The following CDH22 variants were observed in gnomAD, a reference collection of about 807,000 sequenced individuals.
CDH22 encodes the protein cadherin-22.
A neutral mutation model predicts 58.4 loss-of-function variants in CDH22; 30 were observed. The ratio of observed to expected loss-of-function variants is 0.51; its 90% CI spans 0.38 to 0.70. The LOEUF (loss-of-function observed/expected upper bound fraction) is 0.70. Ranked by LOEUF, CDH22 falls within the 30% of genes least tolerant of loss-of-function variation. The probability of loss-of-function intolerance (pLI) is 0.00; values close to 1 mark genes in which losing one functional copy is unlikely to be tolerated. For synonymous variants in CDH22, 513 were observed against 558.2 expected (o/e 0.92, Z 1.14); for missense variants, 1,014 against 1,233.9 (o/e 0.82, Z 2.67).
At chr20:46,215,526 G>A (rs1013661874) in intron 5 of CDH22, among the ~76,000 whole-genome samples, 5 of 152,208 alleles carry the variant, frequency 3.3e-5, no homozygotes, top group African/African-American at 1.2e-4. Context: ...TAACTGGAGG[G>A]AGGAGTTGGG....
intron 3 of CDH22, 38 bp downstream of exon 3, chr20:46,240,925 C>T (rs2086284834): frequency 6.4e-7 from 1 of 1,571,504 alleles, no homozygotes; most frequent in Non-Finnish European, 8.7e-7. Context: ...TGGGGATCAC[C>T]TTGATCCCAT....
At chr20:46,261,556 A>C (rs2086433180) in intron 1 of CDH22, among the ~76,000 whole-genome samples, 2 of 152,000 alleles carry the variant, frequency 1.3e-5, no homozygotes. Flanking sequence ...TCCTTTACTC[A>C]CTCACTTCTC....
intron 1 of CDH22, among the ~76,000 whole-genome samples, chr20:46,262,785 G>A (rs1206297358): frequency 5.9e-5 from 9 of 152,106 alleles, no homozygotes; most frequent in Non-Finnish European, 1.3e-4. Flanking sequence ...CCCACTCAAC[G>A]CCCTGCCTGA....
intron 10 of CDH22, among the ~76,000 whole-genome samples, chr20:46,183,702 T>C (rs1477883342): frequency 6.6e-6 from 1 of 152,172 alleles, no homozygotes; most frequent in African/African-American, 2.4e-5. Flanking sequence ...GTTATAAACA[T>C]GAGCCTTACA....
chr20:46,246,473 G>A (rs1325379179), intron 2 of CDH22, among the ~76,000 whole-genome samples: 1 of 152,152 alleles, frequency 6.6e-6, no homozygotes, highest in Non-Finnish European at 1.5e-5. Context: ...AGCTGACAGA[G>A]GCCTCGGGGG....
intron 10 of CDH22, among the ~76,000 whole-genome samples, chr20:46,181,748 C>CTTCCTTCCTTCGTTCG (rs1555800211): frequency 7.6e-4 from 20 of 26,308 alleles, no homozygotes; most frequent in Non-Finnish European, 1.1e-3. Context: ...TCCTTCCTTC[C>CTTCCTTCCTTCGTTCG]TTCCTTCTTT....
Position 46,174,908 on chromosome 20 carries a change from G to T in CDH22, c.2085C>A (p.Gly695=), listed in dbSNP as rs757901407. The part of the protein sequence containing the change: ...MSALRSLYDF[G]ELKGGDGGGS... ...CGCCCCCGTCGCCGCCCTTGAGCTC[G>T]CCGAAGTCGTAGAGGCTCCGCAGCG... is the stretch of plus-strand genomic sequence containing the variant. The change falls in exon 12 of 12, where the codon GGC becomes GGA. Residue 695 remains glycine, a synonymous_variant. Coordinates refer to ENST00000537909, the MANE Select transcript of CDH22 (RefSeq NM_021248.3). The surrounding 1 kb of genome is among the most constrained non-coding windows in gnomAD (Gnocchi z 4.4). 1.3e-6 allele frequency: 2 copies of T among 1,486,006 alleles called. No homozygotes were observed. The highest frequency in any genetic ancestry group is 1.8e-6 in the Non-Finnish European group (2 of 1,117,780). 92.1% of individuals were successfully genotyped at this position (1,486,006 alleles called of 1,614,324 possible).
At chr20:46,254,456 C>T (rs1020163853) in intron 1 of CDH22, among the ~76,000 whole-genome samples, 5 of 150,008 alleles carry the variant, frequency 3.3e-5, no homozygotes, top group African/African-American at 1.2e-4. Context: ...TCAGGAGGCT[C>T]AGACAGGAAA....
In CDH22 at chr20:46,177,951, A is replaced by G; in HGVS notation, c.1910T>C (p.Leu637Pro). ...GTGGCTCTCGATGGACTCACCAACC[A>G]GGATGAGAACGCAGACCAAGAGGGC... is the stretch of plus-strand genomic sequence containing the variant. Reference protein sequence around the residue: ...LIALLVCVLILVVLVLLILTL... With the variant: ...LIALLVCVLIPVVLVLLILTL... The change falls in exon 11 of 12, where the codon CTG (leucine) becomes CCG (proline). Residue 637 changes from leucine (L) to proline (P), a missense_variant. Physicochemically the swap from Leu to Pro is moderately conservative, Grantham distance 98. This residue lies in a region of CDH22 where 806 missense variants were observed against 1,038.7 expected (regional missense o/e 0.78). Transcript: ENST00000537909. 6.2e-7 allele frequency: 1 copy of G among 1,613,782 alleles called. No homozygotes were observed. The highest frequency in any genetic ancestry group is 1.1e-5 in the South Asian group (1 of 91,068).
rs7343223 is a variant in CDH22 at position 46,182,100 on chromosome 20, G to A, written c.1664-3903C>T. Among the ~76,000 whole-genome samples, 304 of 152,232 alleles carry A rather than the reference G, an allele frequency of 2.0e-3. 2 individuals are homozygous for A. Among genetic ancestry groups the A allele is most frequent in the African/African-American group, 6.8e-3 (283 of 41,542 alleles). ...CCCAAAGTGCCATGATTACAGGCAT[G>A]AGCCACCACTACTGGCCAGAATTTG... On this transcript the variant is annotated intron_variant, in intron 10 of 11. Transcript: ENST00000537909.
chr20:46,210,317 G>C lies in CDH22; in HGVS notation c.1276C>G (p.Arg426Gly). 2 of 1,446,082 alleles carry C rather than the reference G, an allele frequency of 1.4e-6. No individual in the cohort carries two copies. The highest frequency in any genetic ancestry group is 1.8e-6 in the Non-Finnish European group (2 of 1,104,842). The allele number at this position is 1,446,082 out of a possible 1,614,324, so 89.6% of individuals were successfully genotyped here. ...GGGCGGGGGTCTCACCGGACGGGCC[G>C]GTTGGCGGCGTCGGGGTCCCGCGCC... ...VTARDPDAAN[R>G]PVRYAIDRES... Residue 426 changes from arginine (R) to glycine (G), a missense_variant, in exon 7 of 12, where the codon CGG becomes GGG. By Grantham distance (125) the Arg-to-Gly change is moderately radical. This residue lies in a region of CDH22 where 806 missense variants were observed against 1,038.7 expected (regional missense o/e 0.78). Transcript: ENST00000537909. The surrounding 1 kb of genome is among the most constrained non-coding windows in gnomAD (Gnocchi z 4.5).
chr20:46,234,791 C>G (rs891486137), intron 3 of CDH22, among the ~76,000 whole-genome samples: 1 of 152,220 alleles, frequency 6.6e-6, no homozygotes, highest in Admixed American at 6.5e-5. Context: ...CAGTCACTAC[C>G]AATTGATCTG....
intron 10 of CDH22, among the ~76,000 whole-genome samples, chr20:46,179,188 G>A (rs1280212908): frequency 6.6e-6 from 1 of 152,200 alleles, no homozygotes; most frequent in Non-Finnish European, 1.5e-5. Context: ...GGTACGAAGT[G>A]CCCAGAGCTC....
At chr20:46,214,279 C>T (rs2086066115) in intron 5 of CDH22, among the ~76,000 whole-genome samples, 1 of 152,006 alleles carries the variant, frequency 6.6e-6, no homozygotes, top group Admixed American at 6.5e-5. Context: ...GAGCTGAGGT[C>T]GAGGTGAGGA....
At position 46,210,705 on chromosome 20, in the gene CDH22, G is replaced by T; in HGVS notation, c.1033-145C>A. ...GCAGGGATGTTTGGGCTGCATTGCA[G>T]AACTGACCCAGACCAACCCGGTGGG... On this transcript the variant is annotated intron_variant, in intron 6 of 11. Coordinates refer to ENST00000537909, the MANE Select transcript of CDH22 (RefSeq NM_021248.3). This position sits in a 1 kb window ranked among gnomAD's most constrained non-coding sequence, Gnocchi z 4.5. 1 of 717,162 alleles carries T rather than the reference G, an allele frequency of 1.4e-6. No homozygotes were observed. Among genetic ancestry groups the T allele is most frequent in the Non-Finnish European group, 2.0e-6 (1 of 491,428 alleles). The allele number at this position is 717,162 out of a possible 1,614,324, so 44.4% of individuals were successfully genotyped here.
intron 7 of CDH22, chr20:46,209,816 C>A (rs984397316): frequency 6.5e-6 from 1 of 153,670 alleles, no homozygotes. Context: ...TAACGGCAGG[C>A]AAACTGGTGG....
chr20:46,229,514 G>T (rs963904098), intron 3 of CDH22, among the ~76,000 whole-genome samples: 16 of 152,152 alleles, frequency 1.1e-4, no homozygotes, highest in Admixed American at 9.8e-4. Context: ...GTTTGACCTT[G>T]GATCTGTCAT....
At chr20:46,217,904 C>T (rs957601269) in intron 4 of CDH22, among the ~76,000 whole-genome samples, 1 of 151,928 alleles carries the variant, frequency 6.6e-6, no homozygotes, top group Non-Finnish European at 1.5e-5. Context: ...AATACATACA[C>T]TTTTTTTCTT....
chr20:46,208,612 T>C (rs2086017410), intron 7 of CDH22, among the ~76,000 whole-genome samples: 1 of 152,208 alleles, frequency 6.6e-6, no homozygotes, highest in Admixed American at 6.5e-5. Flanking sequence ...TTTATTTATT[T>C]TGAGACAGTT....
Sources: allele counts gnomAD v4.1 joint callset (sites outside exome capture counted in the v4.1 genomes callset), GRCh38; gene constraint gnomAD v4.1.1; regional missense constraint gnomAD v4.1.1; non-coding constraint Gnocchi (gnomAD v3.1); transcripts MANE v1.5; gene names NCBI Gene and HGNC (gene_info 2026-07-23, HGNC 2026-07-21).